ABLIM2: variants seen among roughly 807,000 people sequenced by gnomAD.
ABLIM2 encodes actin binding LIM protein family member 2, also known as actin-binding LIM protein 2.
ABLIM2 carries 53 observed loss-of-function variants against 97.7 expected under a neutral mutation model. The observed-to-expected ratio is 0.54, with a 90% CI of 0.44 to 0.68. ABLIM2 has a LOEUF of 0.68. Ranked by LOEUF, ABLIM2 falls within the 30% of genes least tolerant of loss-of-function variation. The pLI, the probability that ABLIM2 is intolerant of heterozygous loss-of-function variation, is 0.00. For synonymous variants in ABLIM2, 361 were observed against 345.8 expected, an observed-to-expected ratio of 1.04 and a Z score of -0.49; for missense variants, 835 against 867.2, an observed-to-expected ratio of 0.96 and a Z score of 0.47.
chr4:8,143,259 C>T (rs963864480), intron 1 of ABLIM2, among the ~76,000 whole-genome samples: 3 of 151,698 alleles, frequency 2.0e-5, no homozygotes, highest in African/African-American at 4.9e-5. Context: ...GTACTGTCAG[C>T]GGTCTCCACC....
At position 8,077,290 on chromosome 4, in the gene ABLIM2, G is replaced by A. The variant is rs146380409; in HGVS notation, c.675+338C>T. ...CCGCTGTGCCTCCTATGGGGACGAGGTCCTGGTGTGGGCTCTCTTCCATCT... is the reference window on the plus strand; with the variant it reads ...CCGCTGTGCCTCCTATGGGGACGAGATCCTGGTGTGGGCTCTCTTCCATCT... On this transcript the variant is annotated intron_variant, in intron 6 of 20. Coordinates refer to ENST00000447017, the MANE Select transcript of ABLIM2 (RefSeq NM_001130083.2). 3.6e-3 allele frequency among the ~76,000 whole-genome samples: 551 copies of A among 152,286 alleles called. 5 individuals are homozygous for A. The highest frequency in any genetic ancestry group is 0.013 in the African/African-American group (540 of 41,550).
chr4:8,138,173 G>A (rs1004489983), intron 1 of ABLIM2, among the ~76,000 whole-genome samples: 7 of 152,116 alleles, frequency 4.6e-5, no homozygotes, highest in African/African-American at 7.2e-5. Context: ...AGAATGGGGA[G>A]TGAGTGTTTA....
At chr4:8,154,881 C>T (rs559839700) in intron 1 of ABLIM2, among the ~76,000 whole-genome samples, 2 of 152,210 alleles carry the variant, frequency 1.3e-5, no homozygotes, top group Admixed American at 6.5e-5. Context: ...AGGGAGGCCT[C>T]GCAATCATGG....
At chr4:8,009,502 T>C (rs35704968) in intron 14 of ABLIM2, among the ~76,000 whole-genome samples, 4,297 of 152,304 alleles carry the variant, frequency 0.028, 95 homozygotes, top group Non-Finnish European at 0.046. Flanking sequence ...GTTCAAGCGA[T>C]TCTCCTGCCT....
At position 8,054,256 on chromosome 4, in the gene ABLIM2, A is replaced by G. The variant is rs752771345; in HGVS notation, c.764-10T>C. The G allele has an allele frequency of 1.2e-6, 2 of 1,613,800 alleles. No homozygotes were observed. Among genetic ancestry groups the G allele is most frequent in the African/African-American group, 2.7e-5 (2 of 74,930 alleles). Reference sequence around the variant, plus strand: ...TGCCAGATGGAGGAACCTGTTGACAAATTCCCAAGAGGGAAATGATTAGAG... The same window carrying G: ...TGCCAGATGGAGGAACCTGTTGACAGATTCCCAAGAGGGAAATGATTAGAG... On this transcript the variant is annotated splice_polypyrimidine_tract_variant and intron_variant, in intron 7 of 20. Coordinates refer to ENST00000447017, the MANE Select transcript of ABLIM2 (RefSeq NM_001130083.2). The surrounding 1 kb of genome is among the most constrained non-coding windows in gnomAD (Gnocchi z 4.9).
At position 8,004,084 on chromosome 4, in the gene ABLIM2, C is replaced by T. The variant is rs1298092685; in HGVS notation, c.1618+3975G>A. ...GGAGTAAAAAGGGAAAGGAGGAAGA[C>T]CACCTCTGCCCTGGTCCCCACCCAC... On this transcript the variant is annotated intron_variant, in intron 16 of 20. Transcript: ENST00000447017. This position sits in a 1 kb window ranked among gnomAD's most constrained non-coding sequence, Gnocchi z 5.9. Among the ~76,000 whole-genome samples the T allele has an allele frequency of 6.6e-6, 1 of 151,268 alleles. No homozygotes were observed. Among genetic ancestry groups the T allele is most frequent in the Non-Finnish European group, 1.5e-5 (1 of 67,960 alleles).
intron 1 of ABLIM2, among the ~76,000 whole-genome samples, chr4:8,139,861 T>C (rs1056512601): frequency 1.3e-5 from 2 of 152,090 alleles, no homozygotes; most frequent in Admixed American, 6.6e-5. Context: ...CAAATGCCCA[T>C]CACTGATAGA....
At chr4:8,101,516 G>A (rs1834611914) in intron 2 of ABLIM2, among the ~76,000 whole-genome samples, 1 of 152,180 alleles carries the variant, frequency 6.6e-6, no homozygotes, top group African/African-American at 2.4e-5. Context: ...CTCCCAGACC[G>A]CCTAGAACAG....
chr4:7,973,600 T>TA (rs1285384696), intron 20 of ABLIM2, among the ~76,000 whole-genome samples: 1 of 152,170 alleles, frequency 6.6e-6, no homozygotes, highest in Non-Finnish European at 1.5e-5. Context: ...TGGACCGTGT[T>TA]AAGCAGTTTG....
At chr4:8,006,951 C>T (rs755423869) in intron 16 of ABLIM2, 39 of 887,242 alleles carry the variant, frequency 4.4e-5, no homozygotes, top group Admixed American at 6.2e-5. Context: ...TACAAAGCTG[C>T]ACCCCAGGCG....
chr4:8,060,296 G>A (rs866277581), intron 7 of ABLIM2, among the ~76,000 whole-genome samples: 25 of 152,306 alleles, frequency 1.6e-4, no homozygotes, highest in South Asian at 4.1e-4. Context: ...CAGTCCTCAA[G>A]TCTCGCCCTT....
chr4:8,106,552 C>G lies in ABLIM2; in HGVS notation c.96G>C (p.Lys32Asn). The change falls in exon 2 of 21, where the codon AAG (lysine) becomes AAC (asparagine). Residue 32 changes from lysine to asparagine, a missense_variant. Transcript: ENST00000447017. ...ILCNTCGNVC[K>N]GEVLRVQDKY... ...TGTCCTGCACCCGCAGCACCTCGCCCTTGCACACATTCCCACACGTGTTGC... is the reference window on the plus strand; with the variant it reads ...TGTCCTGCACCCGCAGCACCTCGCCGTTGCACACATTCCCACACGTGTTGC... 1 of 1,608,368 alleles carries G rather than the reference C, an allele frequency of 6.2e-7. No homozygotes were observed. The highest frequency in any genetic ancestry group is 8.5e-7 in the Non-Finnish European group (1 of 1,177,750).
At position 8,046,050 on chromosome 4, in the gene ABLIM2, G is replaced by A. The variant is rs1226579525; in HGVS notation, c.823-809C>T. On this transcript the variant is annotated intron_variant, in intron 8 of 20. Coordinates refer to ENST00000447017, the MANE Select transcript of ABLIM2 (RefSeq NM_001130083.2). The surrounding 1 kb of genome is among the most constrained non-coding windows in gnomAD (Gnocchi z 4.4). ...CACAACTTAGAAATGGCCCTTCGGA[G>A]CCCCCTGGCAGCCACTCTCCCAACT... Among the ~76,000 whole-genome samples, 1 of 152,048 alleles carries A rather than the reference G, an allele frequency of 6.6e-6. No homozygotes were observed. The highest frequency in any genetic ancestry group is 1.5e-5 in the Non-Finnish European group (1 of 68,012).
intron 3 of ABLIM2, among the ~76,000 whole-genome samples, chr4:8,091,650 TTATA>T (rs1554070530): frequency 2.0e-5 from 1 of 49,630 alleles, no homozygotes; most frequent in South Asian, 5.2e-4. Context: ...ATTTTATATA[TTATA>T]TAATTATATA....
At chr4:8,060,391 T>C (rs1802209765) in intron 7 of ABLIM2, among the ~76,000 whole-genome samples, 1 of 152,198 alleles carries the variant, frequency 6.6e-6, no homozygotes, top group South Asian at 2.1e-4. Flanking sequence ...CCATTTCCCA[T>C]GGGGCCTGTT....
chr4:8,024,277 C>A (rs1168231682), intron 12 of ABLIM2, among the ~76,000 whole-genome samples: 1 of 152,202 alleles, frequency 6.6e-6, no homozygotes, highest in Non-Finnish European at 1.5e-5. Context: ...CCTGCCCCCG[C>A]TGTCGGCTCC....
At position 8,071,395 on chromosome 4, in the gene ABLIM2, C is replaced by T. The variant is rs921673361; in HGVS notation, c.675+6233G>A. Among the ~76,000 whole-genome samples, 10 of 152,200 alleles carry T rather than the reference C, an allele frequency of 6.6e-5. No homozygotes were observed. The highest frequency in any genetic ancestry group is 2.4e-4 in the African/African-American group (10 of 41,458). On this transcript the variant is annotated intron_variant, in intron 6 of 20. Transcript: ENST00000447017. This position sits in a 1 kb window ranked among gnomAD's most constrained non-coding sequence, Gnocchi z 6.2. Reference sequence around the variant, plus strand: ...ATGCAGGCCAACATGCATGAGGGTGCTGCACGTTTAGGAGAAACTGAGGGA... The same window carrying T: ...ATGCAGGCCAACATGCATGAGGGTGTTGCACGTTTAGGAGAAACTGAGGGA...
chr4:8,099,700 C>A (rs1383250501), intron 2 of ABLIM2, among the ~76,000 whole-genome samples: 1 of 152,042 alleles, frequency 6.6e-6, no homozygotes, highest in Admixed American at 6.6e-5. Flanking sequence ...AAAAAATTAT[C>A]CGGGCGTGGT....
At chr4:8,039,774 A>G (rs778358762) in intron 9 of ABLIM2, among the ~76,000 whole-genome samples, 1 of 152,100 alleles carries the variant, frequency 6.6e-6, no homozygotes, top group Non-Finnish European at 1.5e-5. Context: ...AATTACACAC[A>G]CACAGAAGCG....
Sources: allele counts gnomAD v4.1 joint callset (sites outside exome capture counted in the v4.1 genomes callset), GRCh38; gene constraint gnomAD v4.1.1; non-coding constraint Gnocchi (gnomAD v3.1); transcripts MANE v1.5; gene names NCBI Gene and HGNC (gene_info 2026-07-23, HGNC 2026-07-21).